Variants in TSPAN3 observed in about 807,000 individuals in gnomAD.
The protein encoded by TSPAN3 is tetraspanin-3.
Under a neutral mutation model 31.1 loss-of-function variants are expected in TSPAN3, and 9 were observed. That is an observed-to-expected ratio of 0.29 (90% CI 0.17 to 0.50). TSPAN3 has a LOEUF of 0.50. Among genes scored for constraint, TSPAN3 ranks in the 20% least tolerant of loss-of-function variants. TSPAN3 has a pLI of 0.98. For synonymous variants in TSPAN3, 129 were observed against 114.3 expected, an observed-to-expected ratio of 1.13 and a Z score of -0.82; for missense variants, 252 against 313.5, an observed-to-expected ratio of 0.80 and a Z score of 1.48.
chr15:77,048,161 TAA>T (rs898693674), intron 6 of TSPAN3, among the ~76,000 whole-genome samples: 3 of 152,222 alleles, frequency 2.0e-5, no homozygotes, highest in African/African-American at 7.2e-5. Flanking sequence ...GAATATTATT[TAA>T]AGTTTACTAA....
rs187522792 is a variant in TSPAN3 at position 77,065,825 on chromosome 15, T to C, written c.63+5067A>G. Among the ~76,000 whole-genome samples, 326 of 152,338 alleles carry C rather than the reference T, an allele frequency of 2.1e-3. 1 individual carries two copies. Among genetic ancestry groups the C allele is most frequent in the Non-Finnish European group, 3.2e-3 (219 of 68,034 alleles). On this transcript the variant is annotated intron_variant, in intron 1 of 6. Transcript: ENST00000267970. Reference sequence around the variant, plus strand: ...ATGATGGTTAGTGAAGGTGCCACGTTCCAAAGCTATTTCTAAAGGCATTTA... The same window carrying C: ...ATGATGGTTAGTGAAGGTGCCACGTCCCAAAGCTATTTCTAAAGGCATTTA...
At chr15:77,053,394 G>A (rs2076744395) in intron 4 of TSPAN3, among the ~76,000 whole-genome samples, 1 of 132,102 alleles carries the variant, frequency 7.6e-6, no homozygotes, top group Admixed American at 8.8e-5. Context: ...GTTGCAGTGA[G>A]CCAAGATCGC....
At chr15:77,063,418 G>GTATTTTTAGTAGAGACGGGGTTTCA (rs2076812153) in intron 1 of TSPAN3, 1 of 150,120 alleles carries the variant, frequency 6.7e-6, no homozygotes, top group Non-Finnish European at 1.5e-5. Context: ...TTGCTATGTT[G>GTATTTTTAGTAGAGACGGGGTTTCA]CCCAGGCTGG....
chr15:77,056,926 C>G (rs1299898064), intron 1 of TSPAN3, among the ~76,000 whole-genome samples: 5 of 152,296 alleles, frequency 3.3e-5, no homozygotes, highest in East Asian at 1.9e-4. Flanking sequence ...CAGATTGATT[C>G]AGGAGGTCTG....
intron 4 of TSPAN3, 62 bp downstream of exon 4, chr15:77,054,116 A>T: frequency 1.8e-6 from 2 of 1,113,590 alleles, no homozygotes; most frequent in Non-Finnish European, 2.7e-6. Context: ...AATAGCAGTT[A>T]GTTTAATGTT....
chr15:77,066,076 A>C (rs2076831054), intron 1 of TSPAN3, among the ~76,000 whole-genome samples: 1 of 152,230 alleles, frequency 6.6e-6, no homozygotes, highest in African/African-American at 2.4e-5. Flanking sequence ...TTAAAAAAAA[A>C]GTAAAGGTAA....
At chr15:77,054,441 T>C (rs892787283) in intron 3 of TSPAN3, 162 bp from the exon 4 acceptor site, 17 of 529,220 alleles carry the variant, frequency 3.2e-5, no homozygotes, top group African/African-American at 2.9e-4. Flanking sequence ...CATATAGATA[T>C]AGATGAAGGC....
chr15:77,059,465 T>C (rs960499430), intron 1 of TSPAN3, among the ~76,000 whole-genome samples: 4 of 152,204 alleles, frequency 2.6e-5, no homozygotes, highest in Admixed American at 6.5e-5. Context: ...CCCCTTTTTA[T>C]TGACTACTTG....
chr15:77,052,822 G>A lies in TSPAN3; in HGVS notation c.540C>T (p.Ser180=), dbSNP rs371557240. The A allele has an allele frequency of 6.2e-6, 10 of 1,614,016 alleles. No homozygotes were observed. In the African/African-American group the frequency reaches 8.0e-5, roughly 13 times the overall value. The change falls in exon 5 of 7, where the codon AGC becomes AGT. Residue 180 remains serine, a synonymous_variant. Transcript: ENST00000267970. ...GGTGGGCCAGGCTGCCATTACAATTGCTGGCAGTCTCTCTGCAGCAGCTAA... is the reference window on the plus strand; with the variant it reads ...GGTGGGCCAGGCTGCCATTACAATTACTGGCAGTCTCTCTGCAGCAGCTAA... ...VPLSCCRETA[S]NCNGSLAHPS...
At chr15:77,056,322 T>C (rs2076768732) in intron 1 of TSPAN3, 67 bp from the exon 2 acceptor site, 1 of 1,273,244 alleles carries the variant, frequency 7.9e-7, no homozygotes, top group African/African-American at 1.5e-5. Context: ...TATTGCTTAG[T>C]ATGGTATAAT....
intron 1 of TSPAN3, among the ~76,000 whole-genome samples, chr15:77,061,790 C>T (rs2076802340): frequency 6.6e-6 from 1 of 152,140 alleles, no homozygotes. Flanking sequence ...ATGTAGTAGC[C>T]ATTGATGATG....
chr15:77,053,790 C>A (rs1401532040), intron 4 of TSPAN3, among the ~76,000 whole-genome samples: 2 of 151,930 alleles, frequency 1.3e-5, no homozygotes, highest in Non-Finnish European at 2.9e-5. Context: ...TTTTTTTTGA[C>A]AGTTTTTCTG....
At chr15:77,053,208 T>C (rs1290502322) in intron 4 of TSPAN3, among the ~76,000 whole-genome samples, 5 of 151,824 alleles carry the variant, frequency 3.3e-5, no homozygotes, top group Non-Finnish European at 7.4e-5. Context: ...GAAAAGTACA[T>C]TGCCAGGCCG....
At chr15:77,047,118 G>C (rs1190600609) in intron 6 of TSPAN3, among the ~76,000 whole-genome samples, 191 bp from the exon 7 acceptor site, 2 of 152,178 alleles carry the variant, frequency 1.3e-5, no homozygotes, top group Non-Finnish European at 2.9e-5. Context: ...CTAAGCTTCA[G>C]CTTCCCTCCC....
intron 1 of TSPAN3, chr15:77,064,548 C>A (rs1320638335): frequency 6.6e-6 from 1 of 152,196 alleles, no homozygotes; most frequent in Non-Finnish European, 1.5e-5. Context: ...TAAACTGCAA[C>A]TAGAGAGAGC....
intron 5 of TSPAN3, 30 bp downstream of exon 5, chr15:77,052,747 C>G (rs769257779): frequency 6.2e-7 from 1 of 1,605,884 alleles, no homozygotes; most frequent in Non-Finnish European, 8.5e-7. Context: ...GTTAATCAAG[C>G]TAGACTCAAG....
chr15:77,054,049 A>G, intron 4 of TSPAN3, 129 bp downstream of exon 4: 1 of 609,136 alleles, frequency 1.6e-6, no homozygotes, highest in Non-Finnish European at 2.9e-6. Context: ...TTGGGGAAAA[A>G]TATTGGTCAC....
intron 1 of TSPAN3, among the ~76,000 whole-genome samples, chr15:77,059,370 T>C (rs1399851779): frequency 6.6e-6 from 1 of 152,190 alleles, no homozygotes; most frequent in African/African-American, 2.4e-5. Flanking sequence ...GCGTGAGCCA[T>C]TGCGCCTGGC....
chr15:77,056,524 C>T (rs1259646240), intron 1 of TSPAN3, among the ~76,000 whole-genome samples: 1 of 152,042 alleles, frequency 6.6e-6, no homozygotes. Context: ...ATGACACACA[C>T]CTACACATCC....
Sources: gnomAD v4.1 joint callset for allele counts (sites outside exome capture counted in the v4.1 genomes callset) on GRCh38, gnomAD v4.1.1 for gene constraint, MANE v1.5 for transcripts, NCBI Gene and HGNC (gene_info 2026-07-23, HGNC 2026-07-21) for gene names.